The following THSD4 variants were observed in gnomAD, a reference collection of about 807,000 sequenced individuals.
The protein encoded by THSD4 is thrombospondin type 1 domain containing 4.
Under a neutral mutation model 119.0 loss-of-function variants are expected in THSD4, and 69 were observed. That is an observed-to-expected ratio of 0.58 (90% confidence interval 0.48 to 0.71). The LOEUF (loss-of-function observed/expected upper bound fraction) is 0.71, where lower values mean the gene tolerates loss of function less well. Among genes scored for constraint, THSD4 ranks in the 30% least tolerant of loss-of-function variants. The pLI is 0.00. For synonymous variants in THSD4, 524 were observed against 540.4 expected (o/e 0.97, Z 0.42); for missense variants, 1,393 against 1,391.1 (o/e 1.00, Z -0.02).
chr15:71,631,719 G>A (rs1595807875), intron 7 of THSD4, among the ~76,000 whole-genome samples: 1 of 152,250 alleles, frequency 6.6e-6, no homozygotes, highest in African/African-American at 2.4e-5. Context: ...AGTCAACTGA[G>A]GGTAAGAAAT....
intron 7 of THSD4, among the ~76,000 whole-genome samples, chr15:71,442,094 G>T (rs910367289): frequency 2.5e-4 from 38 of 152,116 alleles, no homozygotes; most frequent in African/African-American, 9.2e-4. Flanking sequence ...GAGTAGTGGG[G>T]ACTACAGGCA....
intron 7 of THSD4, among the ~76,000 whole-genome samples, chr15:71,451,142 C>T (rs2140581922): frequency 1.3e-5 from 2 of 152,256 alleles, no homozygotes; most frequent in Middle Eastern, 3.4e-3. Flanking sequence ...CACAACACTG[C>T]ACTCCAGCCT....
chr15:71,501,561 G>A (rs1376192046), intron 7 of THSD4, among the ~76,000 whole-genome samples: 1 of 152,170 alleles, frequency 6.6e-6, no homozygotes, highest in Non-Finnish European at 1.5e-5. Flanking sequence ...TAATGCCAAG[G>A]TCATTTGGAG....
At chr15:71,192,719 C>G (rs1001271075) in intron 3 of THSD4, among the ~76,000 whole-genome samples, 1 of 152,120 alleles carries the variant, frequency 6.6e-6, no homozygotes, top group African/African-American at 2.4e-5. Context: ...AGCATGCTTC[C>G]TTGCTAGAGC....
intron 7 of THSD4, among the ~76,000 whole-genome samples, chr15:71,442,801 T>A (rs1451909741): frequency 6.7e-6 from 1 of 149,008 alleles, no homozygotes; most frequent in Non-Finnish European, 1.5e-5. Context: ...CTGTTCCCTC[T>A]GCCTGGAAAT....
At chr15:71,318,654 C>T (rs954783854) in intron 6 of THSD4, among the ~76,000 whole-genome samples, 1 of 152,128 alleles carries the variant, frequency 6.6e-6, no homozygotes, top group African/African-American at 2.4e-5. Context: ...CTCAGCCCAT[C>T]AGCAATCAGA....
chr15:71,252,636 G>A (rs748720218), intron 5 of THSD4, among the ~76,000 whole-genome samples: 3 of 152,188 alleles, frequency 2.0e-5, no homozygotes, highest in Non-Finnish European at 4.4e-5. Context: ...AGGGCACCAT[G>A]GCATAGTGGT....
chr15:71,542,830 T>C (rs1199627137), intron 7 of THSD4, among the ~76,000 whole-genome samples: 1 of 151,770 alleles, frequency 6.6e-6, no homozygotes, highest in East Asian at 1.9e-4. Context: ...TGAGCCGAGA[T>C]TGTGCCACTG....
At chr15:71,668,935 A>T (rs887010955) in intron 8 of THSD4, among the ~76,000 whole-genome samples, 3 of 152,214 alleles carry the variant, frequency 2.0e-5, no homozygotes, top group Admixed American at 2.0e-4. Context: ...AGAAAACTTA[A>T]AGGTTCTCTA....
At chr15:71,335,473 T>G (rs1048481584) in intron 6 of THSD4, among the ~76,000 whole-genome samples, 2 of 152,186 alleles carry the variant, frequency 1.3e-5, no homozygotes, top group African/African-American at 4.8e-5. Flanking sequence ...ACAAATATAT[T>G]TAATATGGTT....
intron 6 of THSD4, among the ~76,000 whole-genome samples, chr15:71,323,173 G>A (rs560727143): frequency 6.7e-6 from 1 of 150,232 alleles, no homozygotes; most frequent in South Asian, 2.1e-4. Flanking sequence ...AGTGCTTACT[G>A]TCATCATTCT....
At chr15:71,398,328 G>A (rs2046478985) in intron 6 of THSD4, among the ~76,000 whole-genome samples, 1 of 152,120 alleles carries the variant, frequency 6.6e-6, no homozygotes, top group South Asian at 2.1e-4. Flanking sequence ...GAAAGGAGGA[G>A]TATAAAGCTA....
chr15:71,704,291 T>TC (rs1171348750), intron 8 of THSD4, among the ~76,000 whole-genome samples: 1 of 152,226 alleles, frequency 6.6e-6, no homozygotes, highest in African/African-American at 2.4e-5. Context: ...TTTGGCTATG[T>TC]CCCCACCCAA....
chr15:71,628,855 G>C (rs781723766), intron 7 of THSD4, among the ~76,000 whole-genome samples: 5 of 152,180 alleles, frequency 3.3e-5, no homozygotes, highest in Non-Finnish European at 5.9e-5. Context: ...CACCAGCCAG[G>C]CATCCCCGGG....
At chr15:71,236,716 G>A (rs113541490) in intron 4 of THSD4, among the ~76,000 whole-genome samples, 1 of 152,184 alleles carries the variant, frequency 6.6e-6, no homozygotes, top group African/African-American at 2.4e-5. Flanking sequence ...AGGCTATAGG[G>A]ATATAAGAAA....
intron 8 of THSD4, among the ~76,000 whole-genome samples, chr15:71,727,583 T>TACAC (rs1567122090): frequency 1.5e-4 from 1 of 6,882 alleles, no homozygotes; most frequent in African/African-American, 2.4e-4. Context: ...TATATATATA[T>TACAC]ATATACACAC....
intron 7 of THSD4, among the ~76,000 whole-genome samples, chr15:71,598,048 G>C (rs2049938496): frequency 6.6e-6 from 1 of 152,088 alleles, no homozygotes; most frequent in Non-Finnish European, 1.5e-5. Flanking sequence ...GCTTTCAGGG[G>C]AACAAGAAGT....
At chr15:71,620,687 C>T (rs2050404432) in intron 7 of THSD4, among the ~76,000 whole-genome samples, 1 of 152,162 alleles carries the variant, frequency 6.6e-6, no homozygotes, top group Non-Finnish European at 1.5e-5. Flanking sequence ...TATAACCTTG[C>T]ACAAGGCTTG....
chr15:71,703,323 C>A (rs941063704), intron 8 of THSD4, among the ~76,000 whole-genome samples: 1 of 152,120 alleles, frequency 6.6e-6, no homozygotes, highest in African/African-American at 2.4e-5. Context: ...CCAGAAATCT[C>A]TATTATTATT....
Sources: gnomAD v4.1 joint callset for allele counts (sites outside exome capture counted in the v4.1 genomes callset) on GRCh38, gnomAD v4.1.1 for gene constraint, MANE v1.5 for transcripts, NCBI Gene and HGNC (gene_info 2026-07-23, HGNC 2026-07-21) for gene names.